CDH9: variants seen among roughly 807,000 people sequenced by gnomAD.
CDH9 encodes cadherin-9.
Under a neutral mutation model 70.9 loss-of-function variants are expected in CDH9, and 28 were observed. The observed-to-expected ratio is 0.40, with a 90% CI of 0.29 to 0.54. CDH9 has a LOEUF of 0.54. CDH9 is among the 20% of genes least tolerant of loss of function. The probability of loss-of-function intolerance (pLI) is 0.59; values close to 1 mark genes in which losing one functional copy is unlikely to be tolerated. For synonymous variants in CDH9, 409 were observed against 343.1 expected (o/e 1.19, Z -2.12); for missense variants, 874 against 984.4 (o/e 0.89, Z 1.50).
At position 26,967,201 on chromosome 5, in the gene CDH9, G is replaced by A. The variant is rs558184210; in HGVS notation, c.228+20905C>T. Among the ~76,000 whole-genome samples, 287 of 152,058 alleles carry A rather than the reference G, an allele frequency of 1.9e-3. 1 individual carries two copies. Among genetic ancestry groups the A allele is most frequent in the African/African-American group, 6.7e-3 (279 of 41,498 alleles). On this transcript the variant is annotated intron_variant, in intron 2 of 11. Coordinates refer to ENST00000231021, the MANE Select transcript of CDH9 (RefSeq NM_016279.4). The stretch of plus-strand genomic sequence containing the variant: ...ACTGCTAGGCTCAGGTGATCCTCCT[G>A]CCTATACCTCCCGAAATGCTGGGAT...
At chr5:26,905,382 C>A (rs980173463) in intron 5 of CDH9, among the ~76,000 whole-genome samples, 3 of 152,024 alleles carry the variant, frequency 2.0e-5, no homozygotes, top group Admixed American at 2.0e-4. Flanking sequence ...AAAATGCCCT[C>A]ACAAACATAG....
At chr5:26,954,616 C>T (rs948134179) in intron 2 of CDH9, among the ~76,000 whole-genome samples, 1 of 151,802 alleles carries the variant, frequency 6.6e-6, no homozygotes, top group Non-Finnish European at 1.5e-5. Flanking sequence ...AATCTCCTGA[C>T]CTCGTGATCC....
At chr5:27,022,858 G>T (rs1163048147) in intron 1 of CDH9, among the ~76,000 whole-genome samples, 1 of 151,910 alleles carries the variant, frequency 6.6e-6, no homozygotes, top group Non-Finnish European at 1.5e-5. Flanking sequence ...TCTTAGAAAA[G>T]GTCTTCAGGG....
intron 1 of CDH9, among the ~76,000 whole-genome samples, chr5:27,024,491 A>T (rs192157898): frequency 8.5e-5 from 13 of 152,206 alleles, no homozygotes; most frequent in African/African-American, 3.1e-4. Flanking sequence ...TCTAGGCAAG[A>T]AAAACTAAAA....
intron 2 of CDH9, among the ~76,000 whole-genome samples, chr5:26,954,543 C>T (rs1310624052): frequency 6.6e-6 from 1 of 151,766 alleles, no homozygotes; most frequent in East Asian, 1.9e-4. Context: ...CGCCACTACA[C>T]CCAGCTAATT....
intron 2 of CDH9, among the ~76,000 whole-genome samples, chr5:26,945,522 T>G (rs1249807924): frequency 6.6e-6 from 1 of 152,140 alleles, no homozygotes; most frequent in African/African-American, 2.4e-5. Flanking sequence ...GCTAATGAAT[T>G]GCAATAGTTA....
At chr5:26,997,377 G>A (rs1742684646) in intron 1 of CDH9, among the ~76,000 whole-genome samples, 1 of 151,980 alleles carries the variant, frequency 6.6e-6, no homozygotes, top group African/African-American at 2.4e-5. Context: ...GAAATCCAGG[G>A]AATCAAAAAT....
At chr5:26,989,940 G>A (rs763293755) in intron 1 of CDH9, among the ~76,000 whole-genome samples, 2 of 152,034 alleles carry the variant, frequency 1.3e-5, no homozygotes, top group Non-Finnish European at 2.9e-5. Flanking sequence ...CGTGTACATT[G>A]CAGTGACTTA....
intron 9 of CDH9, among the ~76,000 whole-genome samples, chr5:26,888,997 G>C (rs753894117): frequency 2.0e-5 from 3 of 151,950 alleles, no homozygotes; most frequent in Non-Finnish European, 4.4e-5. Flanking sequence ...TGACACTAGG[G>C]TTACATTTTC....
chr5:26,940,861 T>C (rs1741648462), intron 2 of CDH9, among the ~76,000 whole-genome samples: 1 of 152,242 alleles, frequency 6.6e-6, no homozygotes, highest in African/African-American at 2.4e-5. Flanking sequence ...GGCACCTTGC[T>C]TGTTTAGTAA....
intron 2 of CDH9, among the ~76,000 whole-genome samples, chr5:26,956,709 A>G (rs1351283856): frequency 6.6e-6 from 1 of 152,128 alleles, no homozygotes; most frequent in Non-Finnish European, 1.5e-5. Context: ...TCCTTACAGG[A>G]TGGTAGCACC....
chr5:26,960,290 A>G (rs140294980), intron 2 of CDH9, among the ~76,000 whole-genome samples: 1 of 151,996 alleles, frequency 6.6e-6, no homozygotes, highest in African/African-American at 2.4e-5. Context: ...TCAATTCCAT[A>G]ATCTAAAAAT....
intron 2 of CDH9, among the ~76,000 whole-genome samples, chr5:26,937,933 A>T (rs1741589170): frequency 6.6e-6 from 1 of 152,098 alleles, no homozygotes; most frequent in Admixed American, 6.6e-5. Flanking sequence ...AAACCCATTG[A>T]ACTGCCCAAC....
intron 2 of CDH9, among the ~76,000 whole-genome samples, chr5:26,934,299 C>G (rs746730296): frequency 5.3e-5 from 8 of 152,046 alleles, no homozygotes; most frequent in Non-Finnish European, 7.4e-5. Flanking sequence ...GACTCCATCT[C>G]TACAATAATT....
intron 2 of CDH9, among the ~76,000 whole-genome samples, chr5:26,969,065 A>G (rs1475816256): frequency 1.3e-5 from 2 of 152,130 alleles, no homozygotes; most frequent in East Asian, 1.9e-4. Flanking sequence ...AGATCCTCAT[A>G]TCATTTATGT....
chr5:26,919,721 G>T (rs1172319713), intron 2 of CDH9, among the ~76,000 whole-genome samples: 2 of 151,914 alleles, frequency 1.3e-5, no homozygotes, highest in Non-Finnish European at 2.9e-5. Flanking sequence ...TTGCAACTTG[G>T]ATACCAGCTC....
At chr5:26,947,611 C>T (rs1741775718) in intron 2 of CDH9, among the ~76,000 whole-genome samples, 1 of 152,042 alleles carries the variant, frequency 6.6e-6, no homozygotes, top group African/African-American at 2.4e-5. Flanking sequence ...TATTTATGAA[C>T]CTAGAAAATA....
intron 1 of CDH9, among the ~76,000 whole-genome samples, chr5:27,016,532 G>C (rs187294178): frequency 2.6e-4 from 39 of 151,900 alleles, no homozygotes; most frequent in Admixed American, 9.2e-4. Flanking sequence ...TGTGAGCTTT[G>C]AGTTTTCCAA....
chr5:27,030,960 T>A (rs1743301011), intron 1 of CDH9, among the ~76,000 whole-genome samples: 1 of 151,876 alleles, frequency 6.6e-6, no homozygotes, highest in African/African-American at 2.4e-5. Flanking sequence ...ACTAAAAATA[T>A]CTTCTGTAAT....
Sources: gnomAD v4.1 joint callset for allele counts (sites outside exome capture counted in the v4.1 genomes callset) on GRCh38, gnomAD v4.1.1 for gene constraint, MANE v1.5 for transcripts, NCBI Gene and HGNC (gene_info 2026-07-23, HGNC 2026-07-21) for gene names.